Variants in FBXW4 observed in about 807,000 individuals in gnomAD.
FBXW4 encodes the protein F-box/WD repeat-containing protein 4.
Under a neutral mutation model 61.8 loss-of-function variants are expected in FBXW4, and 40 were observed. The observed-to-expected ratio is 0.65, with a 90% CI of 0.50 to 0.84. The LOEUF is 0.84. Among genes scored for constraint, FBXW4 ranks in the 40% least tolerant of loss-of-function variants. The pLI, the probability that FBXW4 is intolerant of heterozygous loss-of-function variation, is 0.00. For missense variants in FBXW4, 672 were observed against 753.8 expected, an observed-to-expected ratio of 0.89 and a Z score of 1.27; for synonymous variants, 311 against 313.8, an observed-to-expected ratio of 0.99 and a Z score of 0.10.
chr10:101,684,611 C>A (rs1222053266), intron 1 of FBXW4, among the ~76,000 whole-genome samples: 1 of 152,234 alleles, frequency 6.6e-6, no homozygotes, highest in Non-Finnish European at 1.5e-5. Flanking sequence ...CTCTTATCTT[C>A]TTTCTCTCCA....
At chr10:101,631,620 C>T (rs1038263711) in intron 5 of FBXW4, among the ~76,000 whole-genome samples, 32 of 148,940 alleles carry the variant, frequency 2.1e-4, no homozygotes, top group Non-Finnish European at 4.2e-4. Context: ...GGGAAAAACA[C>T]ATTATTTACT....
chr10:101,624,914 G>A, intron 5 of FBXW4, 104 bp from the exon 6 acceptor site: 1 of 1,285,542 alleles, frequency 7.8e-7, no homozygotes. Context: ...GGGATTGTGG[G>A]TTAAGCCAGA....
chr10:101,644,963 G>A (rs1415712386), intron 5 of FBXW4, among the ~76,000 whole-genome samples: 1 of 152,186 alleles, frequency 6.6e-6, no homozygotes, highest in African/African-American at 2.4e-5. Flanking sequence ...GGAGCAGTTT[G>A]GCACATGGTT....
intron 5 of FBXW4, among the ~76,000 whole-genome samples, chr10:101,627,374 A>G (rs1174648157): frequency 6.6e-6 from 1 of 152,046 alleles, no homozygotes; most frequent in African/African-American, 2.4e-5. Context: ...TCAGTAAAAA[A>G]CCATCAATAG....
At chr10:101,692,136 A>C (rs1264436914) in intron 1 of FBXW4, among the ~76,000 whole-genome samples, 1 of 152,136 alleles carries the variant, frequency 6.6e-6, no homozygotes, top group Non-Finnish European at 1.5e-5. Flanking sequence ...TGACACACAC[A>C]CATAAATCCA....
intron 5 of FBXW4, among the ~76,000 whole-genome samples, chr10:101,650,899 A>C (rs1256148010): frequency 2.0e-5 from 3 of 152,204 alleles, no homozygotes; most frequent in African/African-American, 7.2e-5. Context: ...GGCTCTCGAG[A>C]GACGCGGCCT....
chr10:101,633,679 C>G (rs964240487), intron 5 of FBXW4, among the ~76,000 whole-genome samples: 1 of 151,724 alleles, frequency 6.6e-6, no homozygotes, highest in Non-Finnish European at 1.5e-5. Flanking sequence ...TTATTATATA[C>G]CAGCAATAAC....
chr10:101,667,803 G>T, intron 5 of FBXW4, 83 bp downstream of exon 5: 1 of 1,232,818 alleles, frequency 8.1e-7, no homozygotes, highest in Non-Finnish European at 1.2e-6. Flanking sequence ...TACACAACAG[G>T]AAGATTTTCT....
chr10:101,624,233 T>C (rs1031388999), intron 6 of FBXW4, among the ~76,000 whole-genome samples: 1 of 151,898 alleles, frequency 6.6e-6, no homozygotes, highest in South Asian at 2.1e-4. Context: ...TTTTTGTAAC[T>C]TCCTGTGAAT....
intron 1 of FBXW4, among the ~76,000 whole-genome samples, chr10:101,684,677 G>A (rs1263214638): frequency 1.3e-5 from 2 of 152,166 alleles, no homozygotes; most frequent in Non-Finnish European, 2.9e-5. Context: ...CTAAGAACTT[G>A]GCTTTAGTGT....
chr10:101,650,284 T>G (rs2064135372), intron 5 of FBXW4, among the ~76,000 whole-genome samples: 2 of 152,202 alleles, frequency 1.3e-5, no homozygotes, highest in African/African-American at 2.4e-5. Context: ...CTGCCTGAGA[T>G]GAGCATTTGT....
chr10:101,673,863 CT>C (rs774738078), intron 2 of FBXW4, among the ~76,000 whole-genome samples, 190 bp from the exon 3 acceptor site: 4 of 152,182 alleles, frequency 2.6e-5, no homozygotes, highest in Non-Finnish European at 4.4e-5. Flanking sequence ...GTAACTGAGC[CT>C]TGTGGTGATC....
chr10:101,678,411 T>G (rs1268591368), intron 1 of FBXW4, among the ~76,000 whole-genome samples: 1 of 152,178 alleles, frequency 6.6e-6, no homozygotes, highest in Non-Finnish European at 1.5e-5. Flanking sequence ...CAGGGAGAGA[T>G]ACACTAATTT....
chr10:101,622,869 C>T (rs1261792350), intron 6 of FBXW4: 1 of 151,898 alleles, frequency 6.6e-6, no homozygotes, highest in Non-Finnish European at 1.5e-5. Context: ...CTGCTTGCCT[C>T]GGCAGCACAT....
chr10:101,622,428 G>A (rs998830627), intron 6 of FBXW4, among the ~76,000 whole-genome samples: 3 of 152,276 alleles, frequency 2.0e-5, no homozygotes, highest in East Asian at 1.9e-4. Flanking sequence ...ACCCTGTTAA[G>A]AGGATAAAAA....
rs759169990 is a variant in FBXW4 at position 101,694,665 on chromosome 10, G to C, written c.441C>G (p.Ala147=). Residue 147 remains alanine (A), a synonymous_variant, in exon 1 of 9, where the codon GCC becomes GCG. Transcript: ENST00000331272. This position sits in a 1 kb window ranked among gnomAD's most constrained non-coding sequence, Gnocchi z 6.0. ...RAQGRGGQAW[A]DIAGTGVAMA... ...TGGCCACCCCTGTCCCCGCGATGTC[G>C]GCCCAAGCCTGACCCCCTCGTCCCT... The C allele has an allele frequency of 1.9e-5, 27 of 1,402,334 alleles. No individual in the cohort carries two copies. The highest frequency in any genetic ancestry group is 2.4e-5 in the Non-Finnish European group (26 of 1,088,070). 86.9% of individuals were successfully genotyped at this position (1,402,334 alleles called of 1,614,324 possible).
At chr10:101,671,745 C>A (rs886142607) in intron 4 of FBXW4, among the ~76,000 whole-genome samples, 1 of 152,120 alleles carries the variant, frequency 6.6e-6, no homozygotes, top group Non-Finnish European at 1.5e-5. Context: ...AGGAATGGTA[C>A]AAAGACAGTG....
Position 101,611,974 on chromosome 10 carries a change from G to A in FBXW4, c.1443-205C>T, listed in dbSNP as rs774554504. On this transcript the variant is annotated intron_variant, in intron 7 of 8. Transcript: ENST00000331272. This position sits in a 1 kb window ranked among gnomAD's most constrained non-coding sequence, Gnocchi z 4.9. ...AGAGGGCTCTCGCCATGGCCCAGAC[G>A]ACACAGCAGATTATGCCTGCACTTC... Among the ~76,000 whole-genome samples the A allele has an allele frequency of 7.9e-5, 12 of 152,378 alleles. No homozygotes were observed. Among genetic ancestry groups the A allele is most frequent in the African/African-American group, 1.9e-4 (8 of 41,598 alleles).
chr10:101,640,977 C>T lies in FBXW4; in HGVS notation c.1236-16167G>A, dbSNP rs367659610. On this transcript the variant is annotated intron_variant, in intron 5 of 8. Coordinates refer to ENST00000331272, the MANE Select transcript of FBXW4 (RefSeq NM_022039.4). ...TCCCGAGTAGCTGGGATTACTGGCACCCGCCACCACACCCAGCTAATTTTT... is the reference window on the plus strand; with the variant it reads ...TCCCGAGTAGCTGGGATTACTGGCATCCGCCACCACACCCAGCTAATTTTT... Among the ~76,000 whole-genome samples, 26 of 152,042 alleles carry T rather than the reference C, an allele frequency of 1.7e-4. No homozygotes were observed. In the South Asian group the frequency reaches 5.2e-3, roughly 30 times the overall value.
Sources: gnomAD v4.1 joint callset for allele counts (sites outside exome capture counted in the v4.1 genomes callset) on GRCh38, gnomAD v4.1.1 for gene constraint, Gnocchi (gnomAD v3.1) non-coding constraint, MANE v1.5 for transcripts, NCBI Gene and HGNC (gene_info 2026-07-23, HGNC 2026-07-21) for gene names.